Variants in KRABD2 observed in about 807,000 individuals in gnomAD.
KRABD2 encodes the protein KRAB domain containing 2.
chr17:8,369,287 A>G, the KRABD2 span: 1 of 1,614,122 alleles, frequency 6.2e-7, no homozygotes, highest in East Asian at 2.2e-5. Flanking sequence ...GCTGTTCTTC[A>G]GCAATTTCTA....
At chr17:8,374,886 C>T in the KRABD2 span, among the ~76,000 whole-genome samples, 2 of 119,050 alleles carry the variant, frequency 1.7e-5, no homozygotes, top group African/African-American at 3.2e-5. Context: ...TGCAGTGAGC[C>T]GAGATCGTGC....
the KRABD2 span, chr17:8,369,531 A>G: frequency 1.2e-6 from 2 of 1,614,116 alleles, no homozygotes; most frequent in Non-Finnish European, 1.7e-6. Context: ...TGCTCCTTCC[A>G]GGGAGCCCTG....
At chr17:8,374,805 G>A in the KRABD2 span, among the ~76,000 whole-genome samples, 2 of 149,174 alleles carry the variant, frequency 1.3e-5, no homozygotes, top group Non-Finnish European at 3.0e-5. Context: ...AATTAGCTGG[G>A]CATGGTGGCG....
chr17:8,363,393 C>T, the KRABD2 span, among the ~76,000 whole-genome samples: 11 of 152,096 alleles, frequency 7.2e-5, no homozygotes, highest in Admixed American at 4.6e-4. Context: ...ACTCTGTTAC[C>T]GAGGCTAGAG....
the KRABD2 span, chr17:8,369,721 T>C: frequency 1.2e-6 from 2 of 1,614,248 alleles, no homozygotes; most frequent in Non-Finnish European, 1.7e-6. Flanking sequence ...TGTTTGGTTC[T>C]TAATGGCCGT....
At chr17:8,375,991 C>T in the KRABD2 span, 3 of 1,231,446 alleles carry the variant, frequency 2.4e-6, no homozygotes, top group Non-Finnish European at 3.0e-6. Context: ...TCCTTCCTGA[C>T]GTATTCAGTA....
the KRABD2 span, among the ~76,000 whole-genome samples, chr17:8,372,592 G>A: frequency 0.013 from 2,046 of 152,242 alleles, 30 homozygotes; most frequent in East Asian, 0.021. This position sits in a 1 kb window ranked among gnomAD's most constrained non-coding sequence, Gnocchi z 4.1. Context: ...ACACCCAGCC[G>A]GTCCTACTAG....
the KRABD2 span, among the ~76,000 whole-genome samples, chr17:8,375,425 A>T: frequency 4.6e-5 from 7 of 152,360 alleles, no homozygotes; most frequent in South Asian, 1.4e-3. Context: ...AAGCTTGTCC[A>T]ACCTGTGGCC....
At chr17:8,362,185 C>T in the KRABD2 span, among the ~76,000 whole-genome samples, 2 of 152,024 alleles carry the variant, frequency 1.3e-5, no homozygotes, top group African/African-American at 4.8e-5. The surrounding 1 kb of genome is among the most constrained non-coding windows in gnomAD (Gnocchi z 4.2). Context: ...TACAAAATAG[C>T]CGGGCGTGTT....
the KRABD2 span, chr17:8,369,987 C>T: frequency 1.7e-4 from 280 of 1,614,146 alleles, 1 homozygote; most frequent in East Asian, 4.1e-3. Flanking sequence ...CATGCGTGTC[C>T]GCCCACCATG....
the KRABD2 span, chr17:8,370,396 G>T: frequency 6.6e-7 from 1 of 1,512,310 alleles, no homozygotes; most frequent in South Asian, 1.3e-5. Context: ...CCTAAGAAAG[G>T]AAGAAAAGAG....
the KRABD2 span, chr17:8,376,656 C>A: frequency 3.0e-6 from 3 of 985,388 alleles, no homozygotes; most frequent in Non-Finnish European, 3.6e-6. Context: ...ACACACCAGA[C>A]GCGGCGTCTG....
At chr17:8,370,935 G>A in the KRABD2 span, among the ~76,000 whole-genome samples, 4 of 152,138 alleles carry the variant, frequency 2.6e-5, no homozygotes, top group East Asian at 1.9e-4. Flanking sequence ...TTGGGAGGGC[G>A]AGGTGGGCGG....
the KRABD2 span, chr17:8,368,762 G>A: frequency 2.8e-4 from 49 of 176,654 alleles, no homozygotes; most frequent in African/African-American, 1.1e-3. Flanking sequence ...TCAGCCTCCT[G>A]GTTAGCTGGG....
the KRABD2 span, chr17:8,368,517 G>GGAGAAAGGAGAAAGGA: frequency 6.6e-6 from 1 of 152,172 alleles, no homozygotes; most frequent in Non-Finnish European, 1.5e-5. Context: ...AGAAAGGCAT[G>GGAGAAAGGAGAAAGGA]GAATGGATTC....
chr17:8,363,254 G>A, the KRABD2 span, among the ~76,000 whole-genome samples: 1 of 152,214 alleles, frequency 6.6e-6, no homozygotes, highest in Admixed American at 6.5e-5. Flanking sequence ...CAGGAGCCTG[G>A]AAGAGGCATA....
the KRABD2 span, among the ~76,000 whole-genome samples, chr17:8,363,678 C>T: frequency 6.6e-6 from 1 of 151,172 alleles, no homozygotes; most frequent in East Asian, 2.0e-4. Flanking sequence ...CATTATTTTT[C>T]CATACCAGTA....
the KRABD2 span, among the ~76,000 whole-genome samples, chr17:8,362,455 C>T: frequency 2.0e-5 from 3 of 152,090 alleles, no homozygotes; most frequent in Non-Finnish European, 4.4e-5. This position sits in a 1 kb window ranked among gnomAD's most constrained non-coding sequence, Gnocchi z 4.2. Flanking sequence ...TGGGTTGTCT[C>T]CAATCAACAA....
chr17:8,373,655 C>CCTCACAT, the KRABD2 span: 1 of 160,052 alleles, frequency 6.2e-6, no homozygotes, highest in Non-Finnish European at 1.3e-5. Flanking sequence ...ATGTGAGGAG[C>CCTCACAT]CCCTGTGCCC....
Sources: gnomAD v4.1 joint callset for allele counts (sites outside exome capture counted in the v4.1 genomes callset) on GRCh38, gnomAD v4.1.1 for gene constraint, Gnocchi (gnomAD v3.1) non-coding constraint, MANE v1.5 for transcripts, NCBI Gene and HGNC (gene_info 2026-07-23, HGNC 2026-07-21) for gene names.